ASXL1: variants seen among roughly 807,000 people sequenced by gnomAD.
The protein encoded by ASXL1 is ASXL transcriptional regulator 1, also known as polycomb group protein ASXL1.
In ASXL1, 65 loss-of-function variants were observed where a neutral mutation model predicts 89.1. That is an observed-to-expected ratio of 0.73 (90% CI 0.60 to 0.90). The LOEUF (loss-of-function observed/expected upper bound fraction) is 0.90, where lower values mean the gene tolerates loss of function less well. Ranked by LOEUF, ASXL1 falls within the 40% of genes least tolerant of loss-of-function variation. The pLI, the probability that ASXL1 is intolerant of heterozygous loss-of-function variation, is 0.00. For missense variants in ASXL1, 1,786 were observed against 1,942.9 expected (o/e 0.92, Z 1.52); for synonymous variants, 739 against 746.9 (o/e 0.99, Z 0.17).
chr20:32,434,803 G>C lies in ASXL1; in HGVS notation c.2091G>C (p.Leu697=), dbSNP rs2145362978. The C allele has an allele frequency of 6.2e-7, 1 of 1,613,974 alleles. No homozygotes were observed. The highest frequency in any genetic ancestry group is 1.1e-5 in the South Asian group (1 of 91,086). ...CAGATCTACAGCGAACACAACTACT[G>C]CCGCCTTATCCTCTAAATGGGGAGC... ...CTSDLQRTQL[L]PPYPLNGEHT... Residue 697 remains leucine (L), a synonymous_variant, in exon 13 of 13, where the codon CTG becomes CTC. Transcript: ENST00000375687.
intron 6 of ASXL1, chr20:32,428,806 A>G: frequency 3.4e-6 from 1 of 295,814 alleles, no homozygotes; most frequent in Non-Finnish European, 6.5e-6. Flanking sequence ...GATTACAGGC[A>G]CGTACCACCG....
chr20:32,385,710 CTACT>C (rs2048567846), intron 4 of ASXL1, among the ~76,000 whole-genome samples: 2 of 152,220 alleles, frequency 1.3e-5, no homozygotes, highest in African/African-American at 4.8e-5. Flanking sequence ...TCTGCCTGGT[CTACT>C]TACTTTCACT....
rs1170478947 is a variant in ASXL1, at chr20:32,436,771, G to A, written c.4059G>A (p.Arg1353=). 6.2e-7 allele frequency: 1 copy of A among 1,614,178 alleles called. No homozygotes were observed. The highest frequency in any genetic ancestry group is 1.3e-5 in the African/African-American group (1 of 75,066). ...TGTCTGGTGGGGTACAGACTCCAAG[G>A]GAAGACTGGGCTCCAAAGCCACATG... is the stretch of plus-strand genomic sequence containing the variant. ...NSMSGGVQTP[R]EDWAPKPHAF... Residue 1353 remains arginine, a synonymous_variant, in exon 13 of 13, where the codon AGG becomes AGA. Coordinates refer to ENST00000375687, the MANE Select transcript of ASXL1 (RefSeq NM_015338.6).
At chr20:32,423,957 C>T (rs1569310739) in intron 4 of ASXL1, among the ~76,000 whole-genome samples, 1 of 152,134 alleles carries the variant, frequency 6.6e-6, no homozygotes, top group Non-Finnish European at 1.5e-5. Flanking sequence ...GTTTTGTTTT[C>T]CTTGTCTTTT....
rs2011444378 is a variant in ASXL1 at position 32,429,318 on chromosome 20, T to C, written c.472-20T>C. 4 of 1,612,910 alleles carry C rather than the reference T, an allele frequency of 2.5e-6. No individual in the cohort carries two copies. Among genetic ancestry groups the C allele is most frequent in the Admixed American group, 3.3e-5 (2 of 59,902 alleles). On this transcript the variant is annotated intron_variant, in intron 6 of 12. Transcript: ENST00000375687. This position sits in a 1 kb window ranked among gnomAD's most constrained non-coding sequence, Gnocchi z 4.9. ...TCTGCAGTTGACTTGGGCTCTCTTTTGTTCTCTCTTGGAACGCAGGCGAAC... is the reference window on the plus strand; with the variant it reads ...TCTGCAGTTGACTTGGGCTCTCTTTCGTTCTCTCTTGGAACGCAGGCGAAC...
At position 32,435,068 on chromosome 20, in the gene ASXL1, AGAAC is replaced by A. The variant is rs2011729815; in HGVS notation, c.2357_2360del (p.Arg786MetfsTer31). 6.2e-7 allele frequency: 1 copy of A among 1,614,020 alleles called. No individual in the cohort carries two copies. The highest frequency in any genetic ancestry group is 8.5e-7 in the Non-Finnish European group (1 of 1,180,040). ...GCAGCCTCAGTTGCATCCGGATGTT[AGAAC>A]TGAATGTGAGTCTGGCACCACTTCC... On this transcript the variant is annotated frameshift_variant, in exon 13 of 13. Transcript: ENST00000375687. LOFTEE classifies it low-confidence loss of function (END_TRUNC).
Position 32,378,158 on chromosome 20 carries a change from TTGTGTGTGTGTGTG to T in ASXL1, c.252+9059_252+9072del, listed in dbSNP as rs142792019. Among the ~76,000 whole-genome samples the T allele has an allele frequency of 1.5e-3, 194 of 130,314 alleles. 6 individuals are homozygous for T. In the East Asian group the frequency reaches 0.036, roughly 24 times the overall value. The allele number at this position is 130,314 out of a possible 152,430, so 85.5% of individuals were successfully genotyped here. ...GTGCGTGCCACTGTGGCTGAGTAAT[TTGTGTGTGTGTGTG>T]TGTGTGTGTGTGTGTGTGTGTGTTT... On this transcript the variant is annotated intron_variant, in intron 4 of 12. Coordinates refer to ENST00000375687, the MANE Select transcript of ASXL1 (RefSeq NM_015338.6).
chr20:32,385,396 T>G (rs1042100058), intron 4 of ASXL1, among the ~76,000 whole-genome samples: 2 of 152,232 alleles, frequency 1.3e-5, no homozygotes, highest in African/African-American at 4.8e-5. Flanking sequence ...TTAATTAATT[T>G]GTACATCATG....
intron 4 of ASXL1, among the ~76,000 whole-genome samples, chr20:32,375,087 T>G (rs2048355058): frequency 6.6e-6 from 1 of 152,092 alleles, no homozygotes; most frequent in Non-Finnish European, 1.5e-5. Context: ...CCTCAAGGCC[T>G]GCCTTGGCCT....
intron 1 of ASXL1, chr20:32,360,131 C>A: frequency 3.8e-6 from 1 of 265,412 alleles, no homozygotes; most frequent in Non-Finnish European, 7.2e-6. Flanking sequence ...CTTTTTCTTT[C>A]TCGAAGTCTG....
Position 32,428,398 on chromosome 20 carries a change from G to C in ASXL1, c.447G>C (p.Arg149Ser). ...ESQSRPLSNP[R>S]DSYRASSQAN... ...AGAGTCGACCTCTTTCCAATCCCAGGGACAGCTACAGAGCTTCCTCACAGG... is the reference window on the plus strand; with the variant it reads ...AGAGTCGACCTCTTTCCAATCCCAGCGACAGCTACAGAGCTTCCTCACAGG... Residue 149 changes from arginine to serine, a missense_variant, in exon 6 of 13, where the codon AGG (arginine) becomes AGC (serine). This residue lies in a region of ASXL1 where 332 missense variants were observed against 449.7 expected (regional missense o/e 0.74). Transcript: ENST00000375687. 4 of 1,613,756 alleles carry C rather than the reference G, an allele frequency of 2.5e-6. No individual in the cohort carries two copies. Among genetic ancestry groups the C allele is most frequent in the Non-Finnish European group, 3.4e-6 (4 of 1,179,802 alleles).
chr20:32,434,638 A>G lies in ASXL1; in HGVS notation c.1926A>G (p.Gly642=), dbSNP rs1008390971. The change falls in exon 13 of 13, where the codon GGA becomes GGG. Residue 642 remains glycine, a synonymous_variant. Transcript: ENST00000375687. ...CHREAATTAI[G]GGGGPGGGGG... is the part of the protein sequence containing the mutation. ...GAGAGGCGGCCACCACTGCCATCGG[A>G]GGGGGGGGTGGCCCGGGTGGAGGTG... 1.2e-6 allele frequency: 2 copies of G among 1,602,842 alleles called. No homozygotes were observed. Among genetic ancestry groups the G allele is most frequent in the Non-Finnish European group, 1.7e-6 (2 of 1,174,602 alleles).
Position 32,428,652 on chromosome 20 carries a change from C to CTTTTTTTTTTTT in ASXL1, c.471+246_471+257dup, listed in dbSNP as rs35966674. The stretch of plus-strand genomic sequence containing the variant: ...CCTTGGCTGAGTGATTTTGTTCATT[C>CTTTTTTTTTTTT]TTTTTTTTTTTTTTTTTTTTTTTTT... On this transcript the variant is annotated intron_variant, in intron 6 of 12. Transcript: ENST00000375687. The CTTTTTTTTTTTT allele has an allele frequency of 3.1e-5, 4 of 128,862 alleles. 1 individual carries two copies. Among genetic ancestry groups the CTTTTTTTTTTTT allele is most frequent in the African/African-American group, 2.4e-4 (4 of 16,468 alleles). The allele number at this position is 128,862 out of a possible 1,614,324, so 8.0% of individuals were successfully genotyped here. A position where few individuals can be genotyped will look rare whatever the true frequency, so the allele number is the denominator to read the frequency against.
intron 4 of ASXL1, among the ~76,000 whole-genome samples, chr20:32,425,684 G>C (rs2011255779): frequency 6.6e-6 from 1 of 151,772 alleles, no homozygotes; most frequent in Non-Finnish European, 1.5e-5. Flanking sequence ...GTTGCCTTTT[G>C]CCCATTGATT....
At position 32,436,252 on chromosome 20, in the gene ASXL1, T is replaced by G. The variant is rs148597247; in HGVS notation, c.3540T>G (p.Asp1180Glu). 6.8e-6 allele frequency: 11 copies of G among 1,614,096 alleles called. No individual in the cohort carries two copies. Among genetic ancestry groups the G allele is most frequent in the African/African-American group, 2.7e-5 (2 of 74,946 alleles). Residue 1180 changes from aspartate to glutamate, a missense_variant, in exon 13 of 13, where the codon GAT (aspartate) becomes GAG (glutamate). Physicochemically the swap from Asp to Glu is conservative, Grantham distance 45 (BLOSUM62 2). Around this residue, in one of 3 missense-constraint regions of ASXL1, gnomAD observed 1,418 missense variants for 1,427.8 expected, o/e 0.99. Transcript: ENST00000375687. ...LRALKEPLLP[D>E]SCETGTGLAR... ...CTTTGAAGGAGCCTCTTCTGCCAGA[T>G]AGCTGTGAAACAGGCACTGGTCTTG...
rs1460393860 is a variant in ASXL1 at position 32,438,950 on chromosome 20, G to A, written c.*1612G>A. On this transcript the variant is annotated 3_prime_UTR_variant, in exon 13 of 13. Transcript: ENST00000375687. ...TATTTCGACTTATTACAGAGTTGAG[G>A]GTTCTTGCTTAATTTAGATCAAGTA... 1 of 233,404 alleles carries A rather than the reference G, an allele frequency of 4.3e-6. No individual in the cohort carries two copies. Among genetic ancestry groups the A allele is most frequent in the East Asian group, 6.0e-5 (1 of 16,608 alleles). The allele number at this position is 233,404 out of a possible 1,614,324, so 14.5% of individuals were successfully genotyped here.
intron 4 of ASXL1, among the ~76,000 whole-genome samples, chr20:32,389,091 C>G (rs892972334): frequency 1.3e-5 from 2 of 152,002 alleles, no homozygotes; most frequent in African/African-American, 2.4e-5. Flanking sequence ...GCTTTAGAAA[C>G]CTCTATTCAG....
At chr20:32,390,825 C>T (rs144890724) in intron 4 of ASXL1, among the ~76,000 whole-genome samples, 2 of 152,190 alleles carry the variant, frequency 1.3e-5, no homozygotes, top group East Asian at 1.9e-4. Flanking sequence ...TTGAGTCTGG[C>T]GTCTTTTACT....
intron 4 of ASXL1, among the ~76,000 whole-genome samples, chr20:32,392,400 A>AG (rs2048688948): frequency 1.3e-5 from 2 of 151,178 alleles, no homozygotes; most frequent in Admixed American, 1.3e-4. Context: ...CTCCTGCCTC[A>AG]GTCTCCCGAG....
Sources: allele counts gnomAD v4.1 joint callset (sites outside exome capture counted in the v4.1 genomes callset), GRCh38; gene constraint gnomAD v4.1.1; regional missense constraint gnomAD v4.1.1; non-coding constraint Gnocchi (gnomAD v3.1); transcripts MANE v1.5; gene names NCBI Gene and HGNC (gene_info 2026-07-23, HGNC 2026-07-21).